KLF6: variants seen among roughly 807,000 people sequenced by gnomAD.
KLF6 encodes Krueppel-like factor 6.
For synonymous variants in KLF6, 152 were observed against 147.9 expected (o/e 1.03, Z -0.20); for missense variants, 233 against 359.8 (o/e 0.65, Z 2.85).
Position 3,776,895 on chromosome 10 carries a change from CGTAA to C in KLF6, c.*2640_*2643del, listed in dbSNP as rs1442511640. On this transcript the variant is annotated 3_prime_UTR_variant, in exon 4 of 4. Coordinates refer to ENST00000497571, the MANE Select transcript of KLF6 (RefSeq NM_001300.6). ...CCAGGCAAACAGCTCCGACATGTTT[CGTAA>C]GTGAGACAAGCCAGTGCAAGTTTTT... 2 of 516,438 alleles carry C rather than the reference CGTAA, an allele frequency of 3.9e-6. No individual in the cohort carries two copies. The highest frequency in any genetic ancestry group is 7.5e-6 in the Non-Finnish European group (2 of 268,084). The allele number at this position is 516,438 out of a possible 1,614,324, so 32.0% of individuals were successfully genotyped here.
intron 1 of KLF6, among the ~76,000 whole-genome samples, chr10:3,783,458 C>T (rs1780182507): frequency 6.6e-6 from 1 of 152,152 alleles, no homozygotes. Flanking sequence ...GGGCAGGGAC[C>T]TTCCTGAGCG....
At chr10:3,783,333 TG>T (rs1832572169) in intron 1 of KLF6, 1 of 152,258 alleles carries the variant, frequency 6.6e-6, no homozygotes, top group African/African-American at 2.4e-5. Flanking sequence ...ATGTCTGCCC[TG>T]ATTTTCACGA....
In KLF6 at chr10:3,780,319, G is replaced by T; in HGVS notation, c.677-90C>A. 6.5e-7 allele frequency: 1 copy of T among 1,527,392 alleles called. No individual in the cohort carries two copies. Among genetic ancestry groups the T allele is most frequent in the Non-Finnish European group, 9.0e-7 (1 of 1,112,640 alleles). The allele number at this position is 1,527,392 out of a possible 1,614,324, so 94.6% of individuals were successfully genotyped here. ...TCAACAACACACACAGTGGTGGGAT[G>T]CAAGGCCAGGGACCCAGTGGCTTCT... is the stretch of plus-strand genomic sequence containing the variant. On this transcript the variant is annotated intron_variant, in intron 2 of 3. Coordinates refer to ENST00000497571, the MANE Select transcript of KLF6 (RefSeq NM_001300.6). The surrounding 1 kb of genome is among the most constrained non-coding windows in gnomAD (Gnocchi z 4.6).
chr10:3,781,162 A>G lies in KLF6; in HGVS notation c.676+479T>C. The G allele has an allele frequency of 3.4e-6, 1 of 294,214 alleles. No homozygotes were observed. 18.2% of individuals were successfully genotyped at this position (294,214 alleles called of 1,614,324 possible). A position where few individuals can be genotyped will look rare whatever the true frequency, so the allele number is the denominator to read the frequency against. ...GTTCTCAGGAAACACTCGCTGATCAATGCTGCTGCTTACAGAGCAGGCCGG... is the reference window on the plus strand; with the variant it reads ...GTTCTCAGGAAACACTCGCTGATCAGTGCTGCTGCTTACAGAGCAGGCCGG... On this transcript the variant is annotated intron_variant, in intron 2 of 3. Coordinates refer to ENST00000497571, the MANE Select transcript of KLF6 (RefSeq NM_001300.6). The surrounding 1 kb of genome is among the most constrained non-coding windows in gnomAD (Gnocchi z 5.8).
chr10:3,783,792 G>C (rs1017150580), intron 1 of KLF6, among the ~76,000 whole-genome samples: 1 of 152,164 alleles, frequency 6.6e-6, no homozygotes, highest in Non-Finnish European at 1.5e-5. Context: ...GAAGCTCTCG[G>C]AGAGTTTAAA....
At chr10:3,784,479 A>G (rs1258797086) in intron 1 of KLF6, among the ~76,000 whole-genome samples, 1 of 152,190 alleles carries the variant, frequency 6.6e-6, no homozygotes, top group Non-Finnish European at 1.5e-5. Flanking sequence ...ACAAAAATAA[A>G]AGAGAGCTGG....
chr10:3,782,753 C>T lies in KLF6; in HGVS notation c.103-539G>A, dbSNP rs531283024. ...ACGGCTGACAACACAGGGCCACACT[C>T]GGGGGAGAGGAGACAGCAGCTGTCT... On this transcript the variant is annotated intron_variant, in intron 1 of 3. Transcript: ENST00000497571. This position sits in a 1 kb window ranked among gnomAD's most constrained non-coding sequence, Gnocchi z 4.3. 6.6e-6 allele frequency among the ~76,000 whole-genome samples: 1 copy of T among 152,192 alleles called. No homozygotes were observed. Among genetic ancestry groups the T allele is most frequent in the Non-Finnish European group, 1.5e-5 (1 of 68,020 alleles).
Position 3,776,352 on chromosome 10 carries a change from C to T in KLF6, c.*3187G>A, listed in dbSNP as rs1375423285. 1 of 532,408 alleles carries T rather than the reference C, an allele frequency of 1.9e-6. No homozygotes were observed. The allele number at this position is 532,408 out of a possible 1,614,324, so 33.0% of individuals were successfully genotyped here. A position where few individuals can be genotyped will look rare whatever the true frequency, so the allele number is the denominator to read the frequency against. Reference sequence around the variant, plus strand: ...CTTGGAGAAGAGTATTTGATGCATTCAGGGAGGGCAATGTCAGGCTCGCTG... The same window carrying T: ...CTTGGAGAAGAGTATTTGATGCATTTAGGGAGGGCAATGTCAGGCTCGCTG... On this transcript the variant is annotated 3_prime_UTR_variant, in exon 4 of 4. Coordinates refer to ENST00000497571, the MANE Select transcript of KLF6 (RefSeq NM_001300.6).
Position 3,778,367 on chromosome 10 carries a change from A to C in KLF6, c.*1172T>G, listed in dbSNP as rs955848487. 13 of 524,608 alleles carry C rather than the reference A, an allele frequency of 2.5e-5. No individual in the cohort carries two copies. The highest frequency in any genetic ancestry group is 3.7e-5 in the Non-Finnish European group (10 of 270,384). 32.5% of individuals were successfully genotyped at this position (524,608 alleles called of 1,614,324 possible). On this transcript the variant is annotated 3_prime_UTR_variant, in exon 4 of 4. Transcript: ENST00000497571. ...TCCTCAAGGCATAAATAAGAGAAACATAGCTGCATGAGAAAACAGTTTCTA... is the reference window on the plus strand; with the variant it reads ...TCCTCAAGGCATAAATAAGAGAAACCTAGCTGCATGAGAAAACAGTTTCTA...
In KLF6 at chr10:3,782,475, A is replaced by G. The variant is rs1363558182; in HGVS notation, c.103-261T>C. On this transcript the variant is annotated intron_variant, in intron 1 of 3. Transcript: ENST00000497571. The surrounding 1 kb of genome is among the most constrained non-coding windows in gnomAD (Gnocchi z 4.3). The stretch of plus-strand genomic sequence containing the variant: ...TCCCAATGTTGGGCCAAGGGCCACA[A>G]TGAGTGATGATCACTAAGCCGGTTT... Among the ~76,000 whole-genome samples the G allele has an allele frequency of 1.3e-5, 2 of 152,356 alleles. No individual in the cohort carries two copies. Among genetic ancestry groups the G allele is most frequent in the South Asian group, 2.1e-4 (1 of 4,830 alleles).
chr10:3,784,601 C>CA (rs140187751), intron 1 of KLF6, among the ~76,000 whole-genome samples: 20,900 of 148,378 alleles, frequency 0.14, 1,706 homozygotes, highest in Admixed American at 0.23. Context: ...AACAAACAAA[C>CA]AAAAAAAAAA....
At position 3,781,771 on chromosome 10, in the gene KLF6, C is replaced by A; in HGVS notation, c.546G>T (p.Lys182Asn). Residue 182 changes from lysine to asparagine, a missense_variant, in exon 2 of 4, where the codon AAG (lysine) becomes AAT (asparagine). Coordinates refer to ENST00000497571, the MANE Select transcript of KLF6 (RefSeq NM_001300.6). This position sits in a 1 kb window ranked among gnomAD's most constrained non-coding sequence, Gnocchi z 5.8. The part of the protein sequence containing the change: ...PGKVRSGTSG[K>N]PGDKGNGDAS... ...CATCGCCATTTCCCTTGTCACCTGG[C>A]TTCCCCGAAGTCCCGCTGCGCACCT... 1 of 1,614,244 alleles carries A rather than the reference C, an allele frequency of 6.2e-7. No homozygotes were observed. The highest frequency in any genetic ancestry group is 8.5e-7 in the Non-Finnish European group (1 of 1,180,044).
Position 3,780,289 on chromosome 10 carries a change from GA to G in KLF6, c.677-61del. On this transcript the variant is annotated intron_variant, in intron 2 of 3. Transcript: ENST00000497571. The surrounding 1 kb of genome is among the most constrained non-coding windows in gnomAD (Gnocchi z 4.6). ...TTCACTGACCCGCAGACGGAAAGGG[GA>G]AATTCAACAACACACACAGTGGTGG... 1 of 1,602,476 alleles carries G rather than the reference GA, an allele frequency of 6.2e-7. No homozygotes were observed.
In KLF6 at chr10:3,781,600, C is replaced by T; in HGVS notation, c.676+41G>A. ...CCAGGGCTGGTGCAATGCAGTGGCGCCCACCAGCGGCCGCCCTCCGGGGCC... is the reference window on the plus strand; with the variant it reads ...CCAGGGCTGGTGCAATGCAGTGGCGTCCACCAGCGGCCGCCCTCCGGGGCC... On this transcript the variant is annotated intron_variant, in intron 2 of 3. Transcript: ENST00000497571. The surrounding 1 kb of genome is among the most constrained non-coding windows in gnomAD (Gnocchi z 5.8). 3 of 1,604,902 alleles carry T rather than the reference C, an allele frequency of 1.9e-6. No homozygotes were observed. The highest frequency in any genetic ancestry group is 2.6e-6 in the Non-Finnish European group (3 of 1,175,810).
chr10:3,782,075 A>G lies in KLF6; in HGVS notation c.242T>C (p.Ile81Thr). The change falls in exon 2 of 4, where the codon ATA becomes ACA. Residue 81 changes from isoleucine to threonine, a missense_variant. By Grantham distance (89) the Ile-to-Thr change is moderately conservative. Coordinates refer to ENST00000497571, the MANE Select transcript of KLF6 (RefSeq NM_001300.6). This position sits in a 1 kb window ranked among gnomAD's most constrained non-coding sequence, Gnocchi z 4.3. ...AGTGTCCTCTGGAGGACTGGAAGATATCTTCAGTTCGGATTCCTCCTTTTT... is the reference window on the plus strand; with the variant it reads ...AGTGTCCTCTGGAGGACTGGAAGATGTCTTCAGTTCGGATTCCTCCTTTTT... Reference protein sequence around the residue: ...REKKEESELKISSSPPEDTLI... With the variant: ...REKKEESELKTSSSPPEDTLI... 1 of 1,614,174 alleles carries G rather than the reference A, an allele frequency of 6.2e-7. No individual in the cohort carries two copies. The highest frequency in any genetic ancestry group is 8.5e-7 in the Non-Finnish European group (1 of 1,180,024).
At position 3,777,134 on chromosome 10, in the gene KLF6, A is replaced by T. The variant is rs1288112940; in HGVS notation, c.*2405T>A. On this transcript the variant is annotated 3_prime_UTR_variant, in exon 4 of 4. Transcript: ENST00000497571. Reference sequence around the variant, plus strand: ...AATGTATTCATCAGCCCAGATAAAAAAAAAACCAGTTATGTGAGCGTTAGT... The same window carrying T: ...AATGTATTCATCAGCCCAGATAAAATAAAAACCAGTTATGTGAGCGTTAGT... 1 of 513,074 alleles carries T rather than the reference A, an allele frequency of 1.9e-6. No homozygotes were observed. The highest frequency in any genetic ancestry group is 2.3e-5 in the Admixed American group (1 of 44,258). The allele number at this position is 513,074 out of a possible 1,614,324, so 31.8% of individuals were successfully genotyped here.
In KLF6 at chr10:3,776,175, G is replaced by A. The variant is rs1306096580; in HGVS notation, c.*3364C>T. The A allele has an allele frequency of 1.9e-6, 1 of 531,172 alleles. No individual in the cohort carries two copies. The highest frequency in any genetic ancestry group is 1.9e-5 in the African/African-American group (1 of 53,684). 32.9% of individuals were successfully genotyped at this position (531,172 alleles called of 1,614,324 possible). A position where few individuals can be genotyped will look rare whatever the true frequency, so the allele number is the denominator to read the frequency against. On this transcript the variant is annotated 3_prime_UTR_variant, in exon 4 of 4. Coordinates refer to ENST00000497571, the MANE Select transcript of KLF6 (RefSeq NM_001300.6). ...GCCCAGCTCTAGCTGCGGAACTGGA[G>A]CAGGCTGTGGAGGCACAGAAGTGGC...
Position 3,781,554 on chromosome 10 carries a change from T to G in KLF6, c.676+87A>C. ...ATTTGTCTGCCCTGACCACATCCTG[T>G]GCAGCCAGGCCCGGCTCCCTCCAGG... On this transcript the variant is annotated intron_variant, in intron 2 of 3. Coordinates refer to ENST00000497571, the MANE Select transcript of KLF6 (RefSeq NM_001300.6). This position sits in a 1 kb window ranked among gnomAD's most constrained non-coding sequence, Gnocchi z 5.8. 1 of 1,574,212 alleles carries G rather than the reference T, an allele frequency of 6.4e-7. No homozygotes were observed.
rs1285339458 is a variant in KLF6, at chr10:3,778,960, C to G, written c.*579G>C. 1.9e-6 allele frequency: 1 copy of G among 534,748 alleles called. No homozygotes were observed. Among genetic ancestry groups the G allele is most frequent in the Non-Finnish European group, 3.6e-6 (1 of 276,676 alleles). 33.1% of individuals were successfully genotyped at this position (534,748 alleles called of 1,614,324 possible). The stretch of plus-strand genomic sequence containing the variant: ...AAGGGGGAGAGAGGCTCTCCCTCCC[C>G]ACACCACTCGCCACTCTGGGGTCCT... On this transcript the variant is annotated 3_prime_UTR_variant, in exon 4 of 4. Transcript: ENST00000497571.
Sources: allele counts gnomAD v4.1 joint callset (sites outside exome capture counted in the v4.1 genomes callset), GRCh38; gene constraint gnomAD v4.1.1; non-coding constraint Gnocchi (gnomAD v3.1); transcripts MANE v1.5; gene names NCBI Gene and HGNC (gene_info 2026-07-23, HGNC 2026-07-21).